The following FBXL17 variants were observed in gnomAD, a reference collection of about 807,000 sequenced individuals.
FBXL17 encodes the protein F-box and leucine rich repeat protein 17.
In FBXL17, 22 loss-of-function variants were observed where a neutral mutation model predicts 66.2. That is an observed-to-expected ratio of 0.33 (90% CI 0.24 to 0.47). FBXL17 has a LOEUF of 0.47. FBXL17 is among the 20% of genes least tolerant of loss of function. The pLI is 1.00. For synonymous variants in FBXL17, 474 were observed against 400.5 expected (o/e 1.18, Z -2.19); for missense variants, 878 against 948.2 (o/e 0.93, Z 0.97).
Position 108,269,380 on chromosome 5 carries a change from A to T in FBXL17, c.1507-45152T>A, listed in dbSNP as rs1018463252. Among the ~76,000 whole-genome samples, 4 of 152,212 alleles carry T rather than the reference A, an allele frequency of 2.6e-5. No individual in the cohort carries two copies. The East Asian group carries it at 5.8e-4, about 22-fold the overall frequency. On this transcript the variant is annotated intron_variant, in intron 4 of 8. Coordinates refer to ENST00000542267, the MANE Select transcript of FBXL17 (RefSeq NM_001163315.3). Reference sequence around the variant, plus strand: ...TTAGTTTTAGATGACATCCATGATCACAGCAACAGTACTGACACCATTATC... The same window carrying T: ...TTAGTTTTAGATGACATCCATGATCTCAGCAACAGTACTGACACCATTATC...
intron 5 of FBXL17, among the ~76,000 whole-genome samples, chr5:108,222,162 T>A (rs1328434589): frequency 6.6e-6 from 1 of 152,248 alleles, no homozygotes; most frequent in Non-Finnish European, 1.5e-5. Context: ...AATTGTGATC[T>A]TTTAAGTACC....
At chr5:108,304,186 C>G (rs1758729836) in intron 4 of FBXL17, among the ~76,000 whole-genome samples, 1 of 152,036 alleles carries the variant, frequency 6.6e-6, no homozygotes, top group Admixed American at 6.6e-5. Flanking sequence ...TTCGCAGCAG[C>G]CAAAATTTCT....
At position 107,942,662 on chromosome 5, in the gene FBXL17, T is replaced by C. The variant is rs898965580; in HGVS notation, c.1823-61483A>G. On this transcript the variant is annotated intron_variant, in intron 7 of 8. Coordinates refer to ENST00000542267, the MANE Select transcript of FBXL17 (RefSeq NM_001163315.3). ...TTCACCTGTGCTTCCAGTGCACTCA[T>C]GACTACTACTCTGGGATTTTGTCCC... Among the ~76,000 whole-genome samples the C allele has an allele frequency of 2.1e-4, 32 of 152,126 alleles. 1 individual carries two copies. The highest frequency in any genetic ancestry group is 7.7e-4 in the African/African-American group (32 of 41,420).
intron 6 of FBXL17, among the ~76,000 whole-genome samples, chr5:108,023,936 C>T (rs1335290164): frequency 6.6e-6 from 1 of 152,134 alleles, no homozygotes; most frequent in African/African-American, 2.4e-5. Flanking sequence ...TTCTTCATCA[C>T]CTTTCTTACA....
intron 7 of FBXL17, among the ~76,000 whole-genome samples, chr5:107,918,855 G>A (rs1348197347): frequency 6.6e-6 from 1 of 152,116 alleles, no homozygotes; most frequent in East Asian, 1.9e-4. Flanking sequence ...ACCAGCTTTT[G>A]CTCAGCCCTC....
chr5:108,145,031 GA>G (rs1259961492), intron 6 of FBXL17, among the ~76,000 whole-genome samples: 1 of 151,998 alleles, frequency 6.6e-6, no homozygotes, highest in Admixed American at 6.5e-5. Flanking sequence ...CTAGAACCAA[GA>G]AAAAATGGCA....
At chr5:108,195,252 G>C (rs956302528) in intron 5 of FBXL17, among the ~76,000 whole-genome samples, 1 of 152,102 alleles carries the variant, frequency 6.6e-6, no homozygotes, top group East Asian at 1.9e-4. Flanking sequence ...GGAAAAGAGA[G>C]GGAGGGAAGA....
chr5:108,141,467 G>T (rs1751347682), intron 6 of FBXL17, among the ~76,000 whole-genome samples: 1 of 152,096 alleles, frequency 6.6e-6, no homozygotes, highest in Admixed American at 6.5e-5. Flanking sequence ...GGTTTTCTTT[G>T]CTTTGTAACC....
intron 1 of FBXL17, among the ~76,000 whole-genome samples, chr5:108,371,746 TAAG>T (rs990257200): frequency 1.3e-5 from 2 of 152,106 alleles, no homozygotes; most frequent in Admixed American, 6.6e-5. Flanking sequence ...ATAAATCAAA[TAAG>T]AATTATAGAA....
intron 7 of FBXL17, among the ~76,000 whole-genome samples, chr5:107,955,993 A>G (rs1751651359): frequency 6.6e-6 from 1 of 152,218 alleles, no homozygotes; most frequent in Non-Finnish European, 1.5e-5. Flanking sequence ...ATCTGAAGAA[A>G]GCAAAACTAA....
intron 7 of FBXL17, among the ~76,000 whole-genome samples, chr5:107,964,731 G>A (rs931749062): frequency 6.6e-6 from 1 of 152,076 alleles, no homozygotes; most frequent in Non-Finnish European, 1.5e-5. Flanking sequence ...CATTCACCCA[G>A]GTATACAAAT....
At chr5:108,372,708 T>A (rs937996414) in intron 1 of FBXL17, among the ~76,000 whole-genome samples, 1 of 152,166 alleles carries the variant, frequency 6.6e-6, no homozygotes, top group Non-Finnish European at 1.5e-5. Flanking sequence ...TTAAGATATT[T>A]CCAGATAAAC....
intron 6 of FBXL17, among the ~76,000 whole-genome samples, chr5:108,113,709 A>C (rs1283438550): frequency 2.0e-5 from 3 of 152,124 alleles, no homozygotes; most frequent in Admixed American, 6.5e-5. Flanking sequence ...AGGTATACCT[A>C]AATTGGTAAA....
intron 4 of FBXL17, among the ~76,000 whole-genome samples, chr5:108,339,532 TTTAACAGG>T (rs1411656770): frequency 6.6e-6 from 1 of 151,992 alleles, no homozygotes; most frequent in Non-Finnish European, 1.5e-5. Context: ...AATATCTGAT[TTTAACAGG>T]TAGTCAAAAA....
At chr5:108,229,017 G>A (rs1006945226) in intron 4 of FBXL17, among the ~76,000 whole-genome samples, 1 of 152,182 alleles carries the variant, frequency 6.6e-6, no homozygotes, top group Non-Finnish European at 1.5e-5. Flanking sequence ...TCCATTCAAA[G>A]TGTAGTTCTC....
chr5:108,101,314 T>C (rs17161009), intron 6 of FBXL17, among the ~76,000 whole-genome samples: 2,280 of 152,344 alleles, frequency 0.015, 61 homozygotes, highest in African/African-American at 0.052. Context: ...GGCCTTCTCA[T>C]TGAACAATGC....
In FBXL17 at chr5:107,865,627, C is replaced by G. The variant is rs1748250999; in HGVS notation, c.1966-3767G>C. 3.3e-5 allele frequency among the ~76,000 whole-genome samples: 5 copies of G among 152,220 alleles called. No homozygotes were observed. The South Asian group carries it at 1.0e-3, about 32-fold the overall frequency. ...AAAATGGCACCAGTAATCCTCTGTG[C>G]ATATAATGTATCTTCTAAGCAATCC... On this transcript the variant is annotated intron_variant, in intron 8 of 8. Coordinates refer to ENST00000542267, the MANE Select transcript of FBXL17 (RefSeq NM_001163315.3).
chr5:107,890,801 T>A (rs959392280), intron 7 of FBXL17, among the ~76,000 whole-genome samples: 4 of 152,122 alleles, frequency 2.6e-5, no homozygotes, highest in Non-Finnish European at 5.9e-5. Context: ...TAAAAGTATT[T>A]TGATAGTGAA....
chr5:107,993,801 T>C (rs1250617584), intron 7 of FBXL17, among the ~76,000 whole-genome samples: 3 of 152,328 alleles, frequency 2.0e-5, no homozygotes, highest in East Asian at 3.9e-4. Flanking sequence ...AATTAAGTCA[T>C]GGCAATACCA....
Sources: allele counts gnomAD v4.1 joint callset (sites outside exome capture counted in the v4.1 genomes callset), GRCh38; gene constraint gnomAD v4.1.1; transcripts MANE v1.5; gene names NCBI Gene and HGNC (gene_info 2026-07-23, HGNC 2026-07-21).